Variants in PPP2R2C observed in about 807,000 individuals in gnomAD.
The protein encoded by PPP2R2C is protein phosphatase 2, regulatory subunit B, gamma.
Under a neutral mutation model 45.3 loss-of-function variants are expected in PPP2R2C, and 10 were observed. The observed-to-expected ratio is 0.22, with a 90% CI of 0.14 to 0.37. The LOEUF (loss-of-function observed/expected upper bound fraction) is 0.37. Ranked by LOEUF, PPP2R2C falls within the 10% of genes least tolerant of loss-of-function variation. The pLI is 1.00. For missense variants in PPP2R2C, 308 were observed against 619.7 expected (o/e 0.50, Z 5.34); for synonymous variants, 257 against 245.4 (o/e 1.05, Z -0.44).
chr4:6,406,420 T>C (rs769389568), intron 1 of PPP2R2C, among the ~76,000 whole-genome samples: 1 of 152,234 alleles, frequency 6.6e-6, no homozygotes, highest in Non-Finnish European at 1.5e-5. Flanking sequence ...GGTTGAATGG[T>C]GCCCCACAAA....
In PPP2R2C at chr4:6,508,367, A is replaced by G. The variant is rs535083711; in HGVS notation, c.49+26904T>C. 2.0e-5 allele frequency among the ~76,000 whole-genome samples: 3 copies of G among 152,288 alleles called. No individual in the cohort carries two copies. In the South Asian group the frequency reaches 6.2e-4, roughly 32 times the overall value. On this transcript the variant is annotated intron_variant, in intron 2 of 9. Coordinates refer to the PPP2R2C transcript ENST00000506140. The stretch of plus-strand genomic sequence containing the variant: ...TTTGGGAGGCCGAGGTGGGCGAATC[A>G]CGAGGTCAGGAGTTTGAGACCAGAC...
intron 6 of PPP2R2C, among the ~76,000 whole-genome samples, chr4:6,341,563 T>G (rs1183474915): frequency 6.6e-6 from 1 of 152,122 alleles, no homozygotes; most frequent in East Asian, 1.9e-4. Context: ...TCTATCTACA[T>G]CCTCCACCCT....
intron 1 of PPP2R2C, among the ~76,000 whole-genome samples, chr4:6,469,412 G>A (rs938667622): frequency 2.6e-5 from 4 of 152,192 alleles, no homozygotes; most frequent in Non-Finnish European, 5.9e-5. Context: ...TCAACCACAG[G>A]TAGAACAGGA....
intron 8 of PPP2R2C, among the ~76,000 whole-genome samples, chr4:6,325,850 C>T (rs937123331): frequency 6.6e-6 from 1 of 152,226 alleles, no homozygotes; most frequent in African/African-American, 2.4e-5. Context: ...CTGCTTTCAG[C>T]CCCAGTGCTC....
chr4:6,500,547 C>T (rs370536091), intron 2 of PPP2R2C, among the ~76,000 whole-genome samples: 6 of 152,340 alleles, frequency 3.9e-5, no homozygotes, highest in African/African-American at 1.4e-4. Context: ...GACCTACCAT[C>T]ATTTGGAAGG....
chr4:6,549,827 C>A (rs996274406), intron 1 of PPP2R2C, among the ~76,000 whole-genome samples: 1 of 152,180 alleles, frequency 6.6e-6, no homozygotes, highest in African/African-American at 2.4e-5. Context: ...ATTGAGCCTG[C>A]CCTGACAGTC....
intron 1 of PPP2R2C, among the ~76,000 whole-genome samples, chr4:6,443,782 C>T (rs554301459): frequency 6.6e-6 from 1 of 152,144 alleles, no homozygotes; most frequent in Non-Finnish European, 1.5e-5. Flanking sequence ...CCACCGCCCC[C>T]CCGGAGTCCT....
chr4:6,333,801 T>C, intron 6 of PPP2R2C, 70 bp from the exon 7 acceptor site: 1 of 1,550,230 alleles, frequency 6.5e-7, no homozygotes, highest in Middle Eastern at 1.8e-4. Context: ...GACGGATGAC[T>C]CTGTTTTGCA....
intron 2 of PPP2R2C, among the ~76,000 whole-genome samples, chr4:6,530,017 A>G (rs1724342843): frequency 6.6e-6 from 1 of 152,120 alleles, no homozygotes; most frequent in Non-Finnish European, 1.5e-5. Flanking sequence ...CCAGAGAATC[A>G]TTCACCACAG....
intron 1 of PPP2R2C, among the ~76,000 whole-genome samples, chr4:6,454,319 C>A (rs184611618): frequency 6.6e-6 from 1 of 152,252 alleles, no homozygotes; most frequent in East Asian, 1.9e-4. Context: ...TCAACCTGGG[C>A]CGGCCTGTGA....
chr4:6,407,014 T>C (rs961624580), intron 1 of PPP2R2C, among the ~76,000 whole-genome samples: 1 of 151,948 alleles, frequency 6.6e-6, no homozygotes, highest in African/African-American at 2.4e-5. Context: ...GAAGCAGAAC[T>C]TAGAGTAATG....
intron 2 of PPP2R2C, among the ~76,000 whole-genome samples, chr4:6,479,254 T>A (rs1223391359): frequency 6.6e-6 from 1 of 152,178 alleles, no homozygotes; most frequent in African/African-American, 2.4e-5. Context: ...ACCTAGCTGC[T>A]TCTCTGCCAG....
chr4:6,457,000 G>A (rs1018953565), intron 1 of PPP2R2C, among the ~76,000 whole-genome samples: 1 of 152,032 alleles, frequency 6.6e-6, no homozygotes, highest in African/African-American at 2.4e-5. Context: ...CTGAGGTCAG[G>A]AGTTCAAGAT....
chr4:6,562,635 C>T (rs1393210218), intron 1 of PPP2R2C, among the ~76,000 whole-genome samples: 2 of 152,196 alleles, frequency 1.3e-5, no homozygotes, highest in African/African-American at 2.4e-5. Context: ...GATTCCTGGG[C>T]CCTCACCAGT....
In PPP2R2C at chr4:6,378,611, C is replaced by A; in HGVS notation, c.169-39G>T. ...CGGAGAAGGGGCCTGAGCACCGTGA[C>A]CTGCAGGGCGACGGCTAGGACCTCC... is the stretch of plus-strand genomic sequence containing the variant. On this transcript the variant is annotated intron_variant, in intron 2 of 8. Transcript: ENST00000382599. The surrounding 1 kb of genome is among the most constrained non-coding windows in gnomAD (Gnocchi z 5.2). 2 of 1,588,178 alleles carry A rather than the reference C, an allele frequency of 1.3e-6. No homozygotes were observed. Among genetic ancestry groups the A allele is most frequent in the Non-Finnish European group, 1.7e-6 (2 of 1,164,744 alleles).
chr4:6,414,124 A>G (rs1251283660), intron 1 of PPP2R2C: 6 of 1,061,088 alleles, frequency 5.7e-6, no homozygotes, highest in Non-Finnish European at 7.5e-6. Context: ...GTGTGTGTGT[A>G]CAGGTAAATA....
chr4:6,380,924 C>A (rs541701989), intron 2 of PPP2R2C, 73 bp downstream of exon 2: 188 of 1,446,906 alleles, frequency 1.3e-4, no homozygotes, highest in Non-Finnish European at 1.7e-4. Context: ...CTTATCCCCT[C>A]CCACCATGCC....
rs1224186180 is a variant in PPP2R2C, at chr4:6,377,040, G to A, written c.335-1109C>T. On this transcript the variant is annotated intron_variant, in intron 3 of 8. Transcript: ENST00000382599. ...CTCAGTGGAGAGGTCAGAAAAGGCG[G>A]GCACCCAGCAAGGCTTATGGGATGA... is the stretch of plus-strand genomic sequence containing the variant. Among the ~76,000 whole-genome samples the A allele has an allele frequency of 2.0e-5, 3 of 152,346 alleles. No homozygotes were observed. In the East Asian group the frequency reaches 5.8e-4, roughly 29 times the overall value.
At chr4:6,513,282 A>G (rs1469851058) in intron 2 of PPP2R2C, among the ~76,000 whole-genome samples, 1 of 152,204 alleles carries the variant, frequency 6.6e-6, no homozygotes, top group African/African-American at 2.4e-5. Context: ...AGTTTAACAA[A>G]TAGGCCCTGG....
Sources: allele counts gnomAD v4.1 joint callset (sites outside exome capture counted in the v4.1 genomes callset), GRCh38; gene constraint gnomAD v4.1.1; non-coding constraint Gnocchi (gnomAD v3.1); transcripts MANE v1.5; gene names NCBI Gene and HGNC (gene_info 2026-07-23, HGNC 2026-07-21).